Variants in LPP observed in about 807,000 individuals in gnomAD.
LPP encodes LIM domain containing preferred translocation partner in lipoma, also known as lipoma-preferred partner.
LPP carries 38 observed loss-of-function variants against 60.4 expected under a neutral mutation model. That is an observed-to-expected ratio of 0.63 (90% CI 0.49 to 0.83). The LOEUF (loss-of-function observed/expected upper bound fraction) is 0.83. Among genes scored for constraint, LPP ranks in the 40% least tolerant of loss-of-function variants. The pLI, the probability that LPP is intolerant of heterozygous loss-of-function variation, is 0.00. For synonymous variants in LPP, 328 were observed against 290.8 expected (o/e 1.13, Z -1.30); for missense variants, 902 against 783.6 (o/e 1.15, Z -1.80).
At chr3:188,446,960 G>A (rs538106559) in intron 4 of LPP, among the ~76,000 whole-genome samples, 1 of 152,152 alleles carries the variant, frequency 6.6e-6, no homozygotes, top group African/African-American at 2.4e-5. Context: ...AGTGAGAGAC[G>A]AGATGGTGTC....
At chr3:188,426,249 C>G (rs564860895) in intron 4 of LPP, among the ~76,000 whole-genome samples, 4 of 152,136 alleles carry the variant, frequency 2.6e-5, no homozygotes, top group Admixed American at 2.0e-4. Context: ...AGTTTCCATG[C>G]AGTTGTTCGG....
chr3:188,166,166 TTTC>T (rs1719889951), intron 1 of LPP, among the ~76,000 whole-genome samples: 1 of 151,354 alleles, frequency 6.6e-6, no homozygotes, highest in South Asian at 2.1e-4. Context: ...GATTTTTTTT[TTTC>T]TTCTTTCTTC....
intron 8 of LPP, chr3:188,743,681 T>C (rs1170181308): frequency 6.6e-6 from 1 of 152,144 alleles, no homozygotes; most frequent in Non-Finnish European, 1.5e-5. Context: ...AAAAAGGCAG[T>C]GTACTCCAAC....
chr3:188,514,022 G>C (rs1816598898), intron 5 of LPP, among the ~76,000 whole-genome samples: 2 of 152,188 alleles, frequency 1.3e-5, no homozygotes, highest in African/African-American at 4.8e-5. Context: ...GTTCCAGAAA[G>C]TCAAAGAAAC....
chr3:188,731,198 T>A (rs2150035186), intron 8 of LPP, among the ~76,000 whole-genome samples: 1 of 152,320 alleles, frequency 6.6e-6, no homozygotes, highest in Admixed American at 6.5e-5. Flanking sequence ...ATCCTGGTCC[T>A]GGGAACATGC....
chr3:188,170,400 G>A (rs576938681), intron 1 of LPP, among the ~76,000 whole-genome samples: 31 of 148,408 alleles, frequency 2.1e-4, no homozygotes, highest in African/African-American at 5.7e-4. Context: ...GTATGATTTC[G>A]GCTGACTGCA....
chr3:188,739,883 A>T (rs776401703), intron 8 of LPP, among the ~76,000 whole-genome samples: 3 of 152,090 alleles, frequency 2.0e-5, no homozygotes, highest in Admixed American at 1.3e-4. Context: ...CTGCCATTTT[A>T]TAATAATCTC....
intron 6 of LPP, among the ~76,000 whole-genome samples, chr3:188,527,247 G>A (rs11915030): frequency 0.45 from 67,921 of 150,998 alleles, 16,056 homozygotes; most frequent in East Asian, 0.92. Context: ...CTATTCGGGA[G>A]GCTGAGGCAG....
intron 6 of LPP, among the ~76,000 whole-genome samples, chr3:188,541,842 G>A (rs13073545): frequency 0.82 from 124,314 of 151,926 alleles, 50,934 homozygotes; most frequent in East Asian, 0.94. Flanking sequence ...TGTTGCAGTG[G>A]GCCGAGATTG....
rs533187008 is a variant in LPP at position 188,720,204 on chromosome 3, C to G, written c.1240+11811C>G. Among the ~76,000 whole-genome samples the G allele has an allele frequency of 7.9e-5, 12 of 152,330 alleles. 1 individual carries two copies. In the South Asian group the frequency reaches 2.5e-3, roughly 32 times the overall value. Reference sequence around the variant, plus strand: ...GAGATTACAGGCGTGAGCCACTGCACCTGGCCCTGTTGTATTTTTAATTGA... The same window carrying G: ...GAGATTACAGGCGTGAGCCACTGCAGCTGGCCCTGTTGTATTTTTAATTGA... On this transcript the variant is annotated intron_variant, in intron 8 of 11. Transcript: ENST00000617246.
Position 188,417,661 on chromosome 3 carries a change from A to G in LPP, c.193+11348A>G, listed in dbSNP as rs1014733017. Among the ~76,000 whole-genome samples the G allele has an allele frequency of 2.0e-5, 3 of 152,176 alleles. No homozygotes were observed. In the South Asian group the frequency reaches 6.2e-4, roughly 31 times the overall value. On this transcript the variant is annotated intron_variant, in intron 4 of 11. Transcript: ENST00000617246. ...AGGTAGCTTCAGAGAGGAAGGACCA[A>G]GAAATATGATCTTATACCACAGGCA...
At chr3:188,738,397 C>A (rs552202038) in intron 8 of LPP, among the ~76,000 whole-genome samples, 1 of 151,952 alleles carries the variant, frequency 6.6e-6, no homozygotes, top group South Asian at 2.1e-4. Context: ...TAGTTTATAC[C>A]CAGATAGGTT....
At chr3:188,709,684 G>A (rs1866219711) in intron 8 of LPP, 1 of 152,160 alleles carries the variant, frequency 6.6e-6, no homozygotes, top group Admixed American at 6.6e-5. Flanking sequence ...CATTTATTAG[G>A]AGCATCCGGA....
chr3:188,432,233 C>G (rs2059112233), intron 4 of LPP, among the ~76,000 whole-genome samples: 1 of 152,114 alleles, frequency 6.6e-6, no homozygotes, highest in East Asian at 1.9e-4. Context: ...TCTCTAAATC[C>G]AAACTTCATG....
intron 9 of LPP, among the ~76,000 whole-genome samples, chr3:188,789,484 G>A (rs911255838): frequency 8.5e-5 from 13 of 152,136 alleles, no homozygotes; most frequent in Non-Finnish European, 1.3e-4. Context: ...CACTTACCTC[G>A]TTCTGTCACA....
Position 188,524,399 on chromosome 3 carries a change from A to G in LPP, c.307-266A>G, listed in dbSNP as rs73054769. ...GACATTTATTTTCCTTTACTTGTAT[A>G]CTTATTTTAAACAACAACAACGACA... is the stretch of plus-strand genomic sequence containing the variant. On this transcript the variant is annotated intron_variant, in intron 5 of 11. Coordinates refer to ENST00000617246, the MANE Select transcript of LPP (RefSeq NM_001375462.1). 5.0e-3 allele frequency among the ~76,000 whole-genome samples: 758 copies of G among 152,274 alleles called. 10 individuals are homozygous for G. The highest frequency in any genetic ancestry group is 0.017 in the African/African-American group (721 of 41,548).
At chr3:188,171,542 C>T (rs1304387459) in intron 1 of LPP, among the ~76,000 whole-genome samples, 2 of 152,190 alleles carry the variant, frequency 1.3e-5, no homozygotes, top group African/African-American at 2.4e-5. Context: ...AATGGAGGCA[C>T]AGATTGCCGG....
At chr3:188,162,067 A>G (rs577300435) in intron 1 of LPP, among the ~76,000 whole-genome samples, 1 of 152,320 alleles carries the variant, frequency 6.6e-6, no homozygotes, top group South Asian at 2.1e-4. Context: ...TAGATCCATT[A>G]CAAGGTAGAT....
intron 5 of LPP, among the ~76,000 whole-genome samples, chr3:188,518,421 T>G (rs1398767668): frequency 1.3e-5 from 2 of 152,220 alleles, no homozygotes; most frequent in Non-Finnish European, 2.9e-5. Flanking sequence ...TTTTACTAAA[T>G]TAAGACAGTT....
Sources: gnomAD v4.1 joint callset for allele counts (sites outside exome capture counted in the v4.1 genomes callset) on GRCh38, gnomAD v4.1.1 for gene constraint, MANE v1.5 for transcripts, NCBI Gene and HGNC (gene_info 2026-07-23, HGNC 2026-07-21) for gene names.